The following LYPLA1 variants were observed in gnomAD, a reference collection of about 807,000 sequenced individuals.
LYPLA1 encodes lysophospholipase 1, also known as acyl-protein thioesterase 1.
Under a neutral mutation model 34.0 loss-of-function variants are expected in LYPLA1, and 17 were observed. That is an observed-to-expected ratio of 0.50 (90% CI 0.34 to 0.75). The LOEUF is 0.75. Among genes scored for constraint, LYPLA1 ranks in the 30% least tolerant of loss-of-function variants. LYPLA1 has a pLI of 0.01. For synonymous variants in LYPLA1, 98 were observed against 100.8 expected (o/e 0.97, Z 0.17); for missense variants, 203 against 288.8 (o/e 0.70, Z 2.15).
At chr8:54,073,097 T>A in intron 2 of LYPLA1, 1 of 658,324 alleles carries the variant, frequency 1.5e-6, no homozygotes, top group Non-Finnish European at 2.9e-6. Context: ...CGTTAAGGGT[T>A]GGGCCATCAG....
Position 54,082,625 on chromosome 8 carries a change from C to T in LYPLA1, c.102-16812G>A, listed in dbSNP as rs1808403813. Among the ~76,000 whole-genome samples the T allele has an allele frequency of 1.3e-5, 2 of 152,170 alleles. 1 individual carries two copies. Among genetic ancestry groups the T allele is most frequent in the South Asian group, 4.1e-4 (2 of 4,832 alleles). On this transcript the variant is annotated intron_variant, in intron 2 of 8. Coordinates refer to ENST00000316963, the MANE Select transcript of LYPLA1 (RefSeq NM_006330.4). ...TGAGCCATTGCACCTGCCCAGGATA[C>T]ACTTTTTCCACTTAAATTGCTGGAA...
At chr8:54,058,083 C>G (rs1806337759) in intron 5 of LYPLA1, among the ~76,000 whole-genome samples, 1 of 152,052 alleles carries the variant, frequency 6.6e-6, no homozygotes, top group Non-Finnish European at 1.5e-5. Context: ...ATATATATTC[C>G]ATGTTTCTCT....
downstream of LYPLA1, among the ~76,000 whole-genome samples, chr8:54,045,858 G>T (rs1805462801): frequency 6.6e-6 from 1 of 152,090 alleles, no homozygotes; most frequent in South Asian, 2.1e-4. Flanking sequence ...GTCAGGAGTT[G>T]GAGACCAGCT....
At chr8:54,087,010 T>C (rs1808843647) in intron 2 of LYPLA1, among the ~76,000 whole-genome samples, 1 of 152,096 alleles carries the variant, frequency 6.6e-6, no homozygotes. Context: ...ATAAATACAA[T>C]ACACCATTTT....
chr8:54,097,324 T>G (rs929483531), intron 2 of LYPLA1, among the ~76,000 whole-genome samples: 1 of 152,192 alleles, frequency 6.6e-6, no homozygotes, highest in African/African-American at 2.4e-5. Context: ...AATCTAATCA[T>G]GAGTAAATAC....
chr8:54,060,562 G>C (rs1806529722), intron 5 of LYPLA1, among the ~76,000 whole-genome samples: 1 of 152,268 alleles, frequency 6.6e-6, no homozygotes, highest in South Asian at 2.1e-4. Flanking sequence ...TTGTAAAGCA[G>C]AGCTAATACT....
downstream of LYPLA1, chr8:54,045,494 G>C (rs1378407602): frequency 6.6e-6 from 1 of 152,170 alleles, no homozygotes; most frequent in East Asian, 1.9e-4. Flanking sequence ...TGATGTGAAA[G>C]ATAAACATTT....
At chr8:54,057,160 T>C (rs1806264457) in intron 5 of LYPLA1, among the ~76,000 whole-genome samples, 1 of 152,158 alleles carries the variant, frequency 6.6e-6, no homozygotes, top group African/African-American at 2.4e-5. Context: ...TTGGTGGGAA[T>C]GTAAATTAGT....
intron 1 of LYPLA1, 88 bp downstream of exon 1, chr8:54,101,667 A>C: frequency 8.5e-7 from 1 of 1,175,250 alleles, no homozygotes; most frequent in Non-Finnish European, 1.1e-6. Context: ...GCAGGCCGCC[A>C]CGCGCCCGCA....
chr8:54,090,049 T>C (rs919018622), intron 2 of LYPLA1, among the ~76,000 whole-genome samples: 10 of 152,238 alleles, frequency 6.6e-5, no homozygotes, highest in African/African-American at 1.7e-4. Flanking sequence ...TGAATGGATG[T>C]GCAATCACGG....
At chr8:54,096,607 G>C (rs969543727) in intron 2 of LYPLA1, among the ~76,000 whole-genome samples, 2 of 152,162 alleles carry the variant, frequency 1.3e-5, no homozygotes, top group African/African-American at 4.8e-5. Context: ...GCCAGGCGTG[G>C]TGGCACGTGC....
chr8:54,061,215 G>A, intron 5 of LYPLA1, among the ~76,000 whole-genome samples: 1 of 151,806 alleles, frequency 6.6e-6, no homozygotes, highest in Admixed American at 6.6e-5. Context: ...CAAGTAGCTG[G>A]AATTACAGGC....
intron 2 of LYPLA1, among the ~76,000 whole-genome samples, chr8:54,074,783 C>T (rs1442832153): frequency 6.6e-6 from 1 of 152,226 alleles, no homozygotes; most frequent in African/African-American, 2.4e-5. Flanking sequence ...ATGGATGTCA[C>T]ACATATTCCC....
At chr8:54,089,866 T>C (rs747120238) in intron 2 of LYPLA1, among the ~76,000 whole-genome samples, 9 of 152,206 alleles carry the variant, frequency 5.9e-5, no homozygotes, top group Non-Finnish European at 1.0e-4. Context: ...TGAATTGTAA[T>C]AATCCCCATG....
chr8:54,068,380 G>A (rs907387267), intron 2 of LYPLA1, among the ~76,000 whole-genome samples: 5 of 152,056 alleles, frequency 3.3e-5, no homozygotes, highest in Admixed American at 3.3e-4. Context: ...AATTTGTATG[G>A]AAACTCAAGA....
chr8:54,093,938 G>C (rs1241637787), intron 2 of LYPLA1, among the ~76,000 whole-genome samples: 1 of 152,174 alleles, frequency 6.6e-6, no homozygotes, highest in Non-Finnish European at 1.5e-5. Context: ...GCTAGTTGAA[G>C]AGTTTTCTAT....
At chr8:54,088,376 T>C (rs1425879466) in intron 2 of LYPLA1, among the ~76,000 whole-genome samples, 1 of 152,170 alleles carries the variant, frequency 6.6e-6, no homozygotes, top group Non-Finnish European at 1.5e-5. Context: ...CATTAACCAT[T>C]AGGAAATGCA....
intron 5 of LYPLA1, 42 bp downstream of exon 5, chr8:54,062,212 T>G: frequency 7.3e-7 from 1 of 1,369,224 alleles, no homozygotes; most frequent in South Asian, 1.2e-5. Context: ...ACTAAAAACA[T>G]TTAAGAACAC....
At chr8:54,101,714 G>C (rs746168882) in intron 1 of LYPLA1, 41 bp downstream of exon 1, 48 of 1,270,036 alleles carry the variant, frequency 3.8e-5, no homozygotes, top group Non-Finnish European at 4.5e-5. Context: ...ACCGGTGGCC[G>C]GCCCAGTGGA....
Sources: gnomAD v4.1 joint callset for allele counts (sites outside exome capture counted in the v4.1 genomes callset) on GRCh38, gnomAD v4.1.1 for gene constraint, MANE v1.5 for transcripts, NCBI Gene and HGNC (gene_info 2026-07-23, HGNC 2026-07-21) for gene names.